Variants in TNR observed in about 807,000 individuals in gnomAD.
TNR encodes tenascin R.
TNR carries 45 observed loss-of-function variants against 150.4 expected under a neutral mutation model. The observed-to-expected ratio is 0.30, with a 90% CI of 0.24 to 0.38. The LOEUF (loss-of-function observed/expected upper bound fraction) is 0.38. TNR is among the 10% of genes least tolerant of loss of function. The probability of loss-of-function intolerance (pLI) is 1.00; values close to 1 mark genes in which losing one functional copy is unlikely to be tolerated. For synonymous variants in TNR, 687 were observed against 678.4 expected, an observed-to-expected ratio of 1.01 and a Z score of -0.20; for missense variants, 1,544 against 1,759.1, an observed-to-expected ratio of 0.88 and a Z score of 2.19.
chr1:175,690,363 A>G (rs1002257810), intron 1 of TNR, among the ~76,000 whole-genome samples: 1 of 152,246 alleles, frequency 6.6e-6, no homozygotes, highest in Non-Finnish European at 1.5e-5. Flanking sequence ...TGTGCAAAGC[A>G]TTAAAATAGA....
At chr1:175,512,001 A>G (rs1659197146) in intron 2 of TNR, among the ~76,000 whole-genome samples, 1 of 152,248 alleles carries the variant, frequency 6.6e-6, no homozygotes. Context: ...TAGGTGCTAC[A>G]GCTATAGGAT....
chr1:175,630,923 C>G (rs1323119), intron 1 of TNR, among the ~76,000 whole-genome samples: 43,374 of 152,116 alleles, frequency 0.29, 7,327 homozygotes, highest in East Asian at 0.5. Flanking sequence ...GACTGGTCAT[C>G]CAGCTGCTCT....
At chr1:175,501,455 T>C (rs1658734072) in intron 2 of TNR, among the ~76,000 whole-genome samples, 3 of 152,210 alleles carry the variant, frequency 2.0e-5, no homozygotes, top group Admixed American at 2.0e-4. Flanking sequence ...AAGAGGCCCC[T>C]GAGTTCCAAG....
In TNR at chr1:175,324,531, A is replaced by G. The variant is rs377107946; in HGVS notation, c.3794-12T>C. 3.1e-6 allele frequency: 5 copies of G among 1,612,816 alleles called. No individual in the cohort carries two copies. The highest frequency in any genetic ancestry group is 1.7e-5 in the Admixed American group (1 of 59,912). Reference sequence around the variant, plus strand: ...GCTGAGGGAGTCCCCTGCAAAAAAGATACATTCATTAGGCTGTCCCATTTG... The same window carrying G: ...GCTGAGGGAGTCCCCTGCAAAAAAGGTACATTCATTAGGCTGTCCCATTTG... On this transcript the variant is annotated splice_polypyrimidine_tract_variant and intron_variant, in intron 21 of 22. Transcript: ENST00000367674.
intron 1 of TNR, among the ~76,000 whole-genome samples, chr1:175,734,668 C>T (rs148148717): frequency 0.013 from 2,022 of 152,344 alleles, 27 homozygotes; most frequent in Non-Finnish European, 0.022. Context: ...AGCCAGGCTT[C>T]TGACTGTTTG....
chr1:175,525,676 C>T (rs1387590240), intron 2 of TNR, among the ~76,000 whole-genome samples: 1 of 152,218 alleles, frequency 6.6e-6, no homozygotes, highest in South Asian at 2.1e-4. Flanking sequence ...GAGTCCTTAA[C>T]ATCCCTCCAG....
chr1:175,739,672 A>G (rs1667871964), intron 1 of TNR, among the ~76,000 whole-genome samples: 1 of 151,942 alleles, frequency 6.6e-6, no homozygotes. Flanking sequence ...ATGTTGGTAC[A>G]TGGGTCTCTG....
intron 1 of TNR, among the ~76,000 whole-genome samples, chr1:175,547,026 C>T (rs991963528): frequency 5.9e-5 from 9 of 152,304 alleles, no homozygotes; most frequent in African/African-American, 2.2e-4. Context: ...TTGTACAGTA[C>T]TTTGTCTTTC....
chr1:175,597,390 C>T (rs1254511931), intron 1 of TNR, among the ~76,000 whole-genome samples: 1 of 152,202 alleles, frequency 6.6e-6, no homozygotes, highest in Non-Finnish European at 1.5e-5. Context: ...GGCACAGCTT[C>T]CAGAGGCTCA....
chr1:175,656,151 TG>T (rs1665167104), intron 1 of TNR, among the ~76,000 whole-genome samples: 1 of 136,554 alleles, frequency 7.3e-6, no homozygotes, highest in Non-Finnish European at 1.5e-5. Context: ...AGTGTGTGTG[TG>T]TGTGTGTGTG....
At chr1:175,678,182 G>A (rs1665920236) in intron 1 of TNR, among the ~76,000 whole-genome samples, 2 of 152,168 alleles carry the variant, frequency 1.3e-5, no homozygotes, top group South Asian at 4.1e-4. Context: ...CCTAGAAACA[G>A]CATCCCTTCC....
chr1:175,612,125 C>G (rs970288136), intron 1 of TNR, among the ~76,000 whole-genome samples: 4 of 152,062 alleles, frequency 2.6e-5, no homozygotes, highest in Non-Finnish European at 4.4e-5. Context: ...GAGAAGCAGC[C>G]CACAGGTTGG....
Position 175,450,436 on chromosome 1 carries a change from A to G in TNR, c.-63-43659T>C, listed in dbSNP as rs897696797. On this transcript the variant is annotated intron_variant, in intron 2 of 22. Transcript: ENST00000367674. The stretch of plus-strand genomic sequence containing the variant: ...ACCCAGCTCAGGGACCACCTCCTCC[A>G]GGGAGACCTCCCTGATAGCCGAGGA... 5.3e-5 allele frequency among the ~76,000 whole-genome samples: 8 copies of G among 152,236 alleles called. No homozygotes were observed. In the South Asian group the frequency reaches 6.2e-4, roughly 12 times the overall value.
At chr1:175,718,787 G>GT (rs1667225076) in intron 1 of TNR, among the ~76,000 whole-genome samples, 1 of 152,150 alleles carries the variant, frequency 6.6e-6, no homozygotes, top group Non-Finnish European at 1.5e-5. Flanking sequence ...CTTGTCTAAC[G>GT]TAACACAGGT....
At chr1:175,639,637 C>T (rs1196554146) in intron 1 of TNR, among the ~76,000 whole-genome samples, 2 of 152,148 alleles carry the variant, frequency 1.3e-5, no homozygotes, top group Admixed American at 6.5e-5. Context: ...CTTTCTAGCT[C>T]ATGTGAGGTA....
intron 1 of TNR, among the ~76,000 whole-genome samples, chr1:175,680,310 C>G (rs1665990640): frequency 6.6e-6 from 1 of 152,020 alleles, no homozygotes; most frequent in Non-Finnish European, 1.5e-5. Context: ...GGAGAGGGGG[C>G]AGGGTGGGCA....
At chr1:175,494,923 C>T (rs1218630857) in intron 2 of TNR, among the ~76,000 whole-genome samples, 1 of 152,146 alleles carries the variant, frequency 6.6e-6, no homozygotes, top group African/African-American at 2.4e-5. Flanking sequence ...AATCTAGATC[C>T]CTCATACTCC....
intron 1 of TNR, among the ~76,000 whole-genome samples, chr1:175,579,662 G>C (rs1374503057): frequency 6.6e-6 from 1 of 151,078 alleles, no homozygotes; most frequent in East Asian, 1.9e-4. Flanking sequence ...GTACAGACAA[G>C]GTCAGTTTGG....
At chr1:175,562,063 CTT>C (rs1403139354) in intron 1 of TNR, among the ~76,000 whole-genome samples, 1 of 152,106 alleles carries the variant, frequency 6.6e-6, no homozygotes, top group Non-Finnish European at 1.5e-5. Context: ...GGGCTAATGA[CTT>C]AATATATTGT....
Sources: gnomAD v4.1 joint callset for allele counts (sites outside exome capture counted in the v4.1 genomes callset) on GRCh38, gnomAD v4.1.1 for gene constraint, MANE v1.5 for transcripts, NCBI Gene and HGNC (gene_info 2026-07-23, HGNC 2026-07-21) for gene names.